The following ZBTB20 variants were observed in gnomAD, a reference collection of about 807,000 sequenced individuals.
The protein encoded by ZBTB20 is zinc finger and BTB domain containing 20, also known as zinc finger and BTB domain-containing protein 20.
A neutral mutation model predicts 56.9 loss-of-function variants in ZBTB20; 9 were observed. The observed-to-expected ratio is 0.16, with a 90% confidence interval of 0.10 to 0.28. The LOEUF is 0.28. Among genes scored for constraint, ZBTB20 ranks in the 10% least tolerant of loss-of-function variants. The pLI is 1.00. For missense variants in ZBTB20, 655 were observed against 1,003.0 expected (o/e 0.65, Z 4.69); for synonymous variants, 417 against 420.7 (o/e 0.99, Z 0.11).
chr3:114,923,359 A>G (rs1310118032), intron 3 of ZBTB20, among the ~76,000 whole-genome samples: 1 of 152,184 alleles, frequency 6.6e-6, no homozygotes, highest in East Asian at 1.9e-4. Context: ...GTTTGGTACC[A>G]GCATAAAAAC....
intron 6 of ZBTB20, among the ~76,000 whole-genome samples, chr3:114,617,206 A>G (rs1397971889): frequency 6.6e-6 from 1 of 152,200 alleles, no homozygotes; most frequent in Non-Finnish European, 1.5e-5. Context: ...TTGCATGGCA[A>G]TCAGGGTCCA....
chr3:114,421,407 C>A (rs1434911440), intron 7 of ZBTB20, among the ~76,000 whole-genome samples: 1 of 152,140 alleles, frequency 6.6e-6, no homozygotes, highest in Non-Finnish European at 1.5e-5. Flanking sequence ...CTCTAATGGA[C>A]AATAATTGAT....
chr3:114,531,524 A>G (rs1167378250), intron 6 of ZBTB20, among the ~76,000 whole-genome samples: 1 of 152,232 alleles, frequency 6.6e-6, no homozygotes, highest in African/African-American at 2.4e-5. Flanking sequence ...TATCAGCCTG[A>G]AGAGAACCAG....
At chr3:114,946,539 A>T (rs2076894295) in intron 3 of ZBTB20, among the ~76,000 whole-genome samples, 1 of 145,478 alleles carries the variant, frequency 6.9e-6, no homozygotes, top group Non-Finnish European at 1.5e-5. Flanking sequence ...GAGTATTGTT[A>T]CAGATGCTAC....
chr3:114,865,966 C>T (rs1461861050), intron 4 of ZBTB20, among the ~76,000 whole-genome samples: 1 of 152,150 alleles, frequency 6.6e-6, no homozygotes, highest in African/African-American at 2.4e-5. Flanking sequence ...TGGAGTCCAA[C>T]GCCAGAGGCT....
At chr3:114,535,542 A>G (rs1178168321) in intron 6 of ZBTB20, among the ~76,000 whole-genome samples, 1 of 152,192 alleles carries the variant, frequency 6.6e-6, no homozygotes, top group Admixed American at 6.5e-5. Flanking sequence ...ACGAATTCAC[A>G]GCTGAATTCT....
intron 6 of ZBTB20, among the ~76,000 whole-genome samples, chr3:114,579,734 G>A (rs952375636): frequency 5.3e-5 from 8 of 150,630 alleles, no homozygotes; most frequent in African/African-American, 1.5e-4. Flanking sequence ...GAATAAGAGG[G>A]GAACATAAGG....
At chr3:115,049,886 T>C (rs1362549048) in intron 2 of ZBTB20, among the ~76,000 whole-genome samples, 1 of 152,124 alleles carries the variant, frequency 6.6e-6, no homozygotes, top group Non-Finnish European at 1.5e-5. Flanking sequence ...AGAGGCAAAA[T>C]AAAATGTAAT....
chr3:114,897,617 T>A (rs2074937633), intron 4 of ZBTB20, among the ~76,000 whole-genome samples: 1 of 152,108 alleles, frequency 6.6e-6, no homozygotes, highest in Admixed American at 6.6e-5. Flanking sequence ...CTAGCAAATA[T>A]ATATTCTTGG....
At chr3:114,612,087 C>T (rs538897633) in intron 6 of ZBTB20, among the ~76,000 whole-genome samples, 6 of 152,314 alleles carry the variant, frequency 3.9e-5, no homozygotes, top group Non-Finnish European at 7.4e-5. Flanking sequence ...CCCTACTTCT[C>T]TGTTTTCCCA....
chr3:114,784,132 C>T (rs2070320783), intron 5 of ZBTB20, among the ~76,000 whole-genome samples: 1 of 152,128 alleles, frequency 6.6e-6, no homozygotes. Context: ...TTTTTTAAAG[C>T]AGAAAATATG....
chr3:114,340,262 T>C (rs943415110), intron 11 of ZBTB20, among the ~76,000 whole-genome samples: 1 of 152,134 alleles, frequency 6.6e-6, no homozygotes, highest in South Asian at 2.1e-4. Flanking sequence ...CTTACCTCAT[T>C]GTGCTGGTGT....
intron 6 of ZBTB20, among the ~76,000 whole-genome samples, chr3:114,666,298 T>C (rs538759927): frequency 6.6e-6 from 1 of 152,054 alleles, no homozygotes; most frequent in Non-Finnish European, 1.5e-5. Flanking sequence ...TTTCCTTGCC[T>C]CAGTAGAAAT....
At chr3:114,549,826 C>T (rs532309126) in intron 6 of ZBTB20, among the ~76,000 whole-genome samples, 6 of 150,710 alleles carry the variant, frequency 4.0e-5, no homozygotes, top group East Asian at 1.9e-4. Context: ...ATACCTTGTA[C>T]CTGACATTTT....
At chr3:115,013,290 G>A (rs1277618791) in intron 2 of ZBTB20, among the ~76,000 whole-genome samples, 4 of 151,272 alleles carry the variant, frequency 2.6e-5, no homozygotes, top group African/African-American at 9.7e-5. Flanking sequence ...TTAAAAAAAG[G>A]TAAACAAAAT....
At chr3:115,039,397 T>G (rs2081054215) in intron 2 of ZBTB20, among the ~76,000 whole-genome samples, 1 of 152,088 alleles carries the variant, frequency 6.6e-6, no homozygotes, top group Non-Finnish European at 1.5e-5. Flanking sequence ...TCCCAAGGCA[T>G]ATACTATTAA....
At chr3:114,550,222 G>A (rs1282917893) in intron 6 of ZBTB20, among the ~76,000 whole-genome samples, 3 of 152,210 alleles carry the variant, frequency 2.0e-5, no homozygotes, top group Non-Finnish European at 4.4e-5. Context: ...ACAGGCATGA[G>A]CCACTGTGCC....
In ZBTB20 at chr3:115,089,847, C is replaced by T. The variant is rs147880100; in HGVS notation, c.-702-18433G>A. ...ATTTTAGCATTATAGGACAAGAGTTCTAATCGGTTTTCAAGCCTAAACTTT... is the reference window on the plus strand; with the variant it reads ...ATTTTAGCATTATAGGACAAGAGTTTTAATCGGTTTTCAAGCCTAAACTTT... On this transcript the variant is annotated intron_variant, in intron 1 of 11. Transcript: ENST00000675478. 9.7e-4 allele frequency among the ~76,000 whole-genome samples: 148 copies of T among 151,906 alleles called. 1 individual carries two copies. The highest frequency in any genetic ancestry group is 3.4e-3 in the African/African-American group (143 of 41,496).
At chr3:114,509,070 T>A (rs1320520557) in intron 6 of ZBTB20, among the ~76,000 whole-genome samples, 2 of 152,164 alleles carry the variant, frequency 1.3e-5, no homozygotes, top group African/African-American at 4.8e-5. Context: ...GCAACTTGAA[T>A]TTTGAAAAGC....
Sources: allele counts gnomAD v4.1 joint callset (sites outside exome capture counted in the v4.1 genomes callset), GRCh38; gene constraint gnomAD v4.1.1; transcripts MANE v1.5; gene names NCBI Gene and HGNC (gene_info 2026-07-23, HGNC 2026-07-21).